The following BCAS3 variants were observed in gnomAD, a reference collection of about 807,000 sequenced individuals.
The protein encoded by BCAS3 is BCAS3 microtubule associated cell migration factor, also known as BCAS4/BCAS3 fusion.
BCAS3 carries 53 observed loss-of-function variants against 116.1 expected under a neutral mutation model. That is an observed-to-expected ratio of 0.46 (90% confidence interval 0.37 to 0.57). The LOEUF is 0.57. Among genes scored for constraint, BCAS3 ranks in the 20% least tolerant of loss-of-function variants. The pLI is 0.00. For missense variants in BCAS3, 917 were observed against 1,165.4 expected (o/e 0.79, Z 3.10); for synonymous variants, 391 against 408.2 (o/e 0.96, Z 0.51).
At chr17:61,317,826 G>A (rs573558797) in intron 22 of BCAS3, among the ~76,000 whole-genome samples, 12 of 152,302 alleles carry the variant, frequency 7.9e-5, no homozygotes, top group East Asian at 7.7e-4. Context: ...GCAGAGACAC[G>A]GTGTCAGAGC....
intron 7 of BCAS3, among the ~76,000 whole-genome samples, chr17:60,866,019 C>A (rs2054562199): frequency 6.6e-6 from 1 of 152,054 alleles, no homozygotes; most frequent in African/African-American, 2.4e-5. Context: ...GTAGTTTCCC[C>A]CCTTTTTTCT....
chr17:61,184,601 A>T (rs1290711638), intron 22 of BCAS3, among the ~76,000 whole-genome samples: 1 of 152,160 alleles, frequency 6.6e-6, no homozygotes, highest in Non-Finnish European at 1.5e-5. Context: ...TCATTCTATT[A>T]ATAGGAATTT....
At chr17:61,086,595 C>T (rs143336130) in intron 22 of BCAS3, 2 of 697,296 alleles carry the variant, frequency 2.9e-6, no homozygotes, top group East Asian at 2.7e-4. Context: ...ATCAGAGATA[C>T]ACTGTATGAG....
intron 3 of BCAS3, among the ~76,000 whole-genome samples, chr17:60,688,746 G>A (rs568396743): frequency 1.2e-4 from 18 of 151,630 alleles, no homozygotes; most frequent in African/African-American, 4.4e-4. Flanking sequence ...AACCCGGGAG[G>A]TGGAGGGTAC....
At chr17:60,781,415 G>C (rs576282808) in intron 6 of BCAS3, among the ~76,000 whole-genome samples, 2 of 151,794 alleles carry the variant, frequency 1.3e-5, no homozygotes, top group Non-Finnish European at 2.9e-5. Context: ...CCTGGCCAAC[G>C]TGGTGAAACT....
At chr17:61,014,632 A>G (rs1276511017) in intron 15 of BCAS3, among the ~76,000 whole-genome samples, 1 of 151,986 alleles carries the variant, frequency 6.6e-6, no homozygotes, top group Admixed American at 6.6e-5. Context: ...TGGAAGTTCT[A>G]GGTAGGTCAG....
intron 19 of BCAS3, among the ~76,000 whole-genome samples, chr17:61,074,011 A>C (rs2071692164): frequency 6.7e-6 from 1 of 149,636 alleles, no homozygotes; most frequent in Non-Finnish European, 1.5e-5. Flanking sequence ...TATTAGACTG[A>C]GGTGAGAAGA....
intron 7 of BCAS3, among the ~76,000 whole-genome samples, chr17:60,847,164 T>C (rs1339727481): frequency 1.3e-5 from 2 of 152,200 alleles, no homozygotes; most frequent in African/African-American, 2.4e-5. Context: ...CATCCCTTTT[T>C]ATGGCCGAAT....
chr17:61,054,518 C>T (rs945298878), intron 19 of BCAS3, among the ~76,000 whole-genome samples: 1 of 152,148 alleles, frequency 6.6e-6, no homozygotes, highest in African/African-American at 2.4e-5. Context: ...AGGTGTGCAC[C>T]ACCATGCCTG....
At position 61,327,835 on chromosome 17, in the gene BCAS3, G is replaced by T. The variant is rs2055866782; in HGVS notation, c.2426-40492G>T. On this transcript the variant is annotated intron_variant, in intron 22 of 23. Transcript: ENST00000407086. This position sits in a 1 kb window ranked among gnomAD's most constrained non-coding sequence, Gnocchi z 5.9. Reference sequence around the variant, plus strand: ...CAAGATCTGACTGAATAACACAAAGGTGACATCCAGTTCAAGGAACTTAGT... The same window carrying T: ...CAAGATCTGACTGAATAACACAAAGTTGACATCCAGTTCAAGGAACTTAGT... Among the ~76,000 whole-genome samples, 1 of 152,170 alleles carries T rather than the reference G, an allele frequency of 6.6e-6. No individual in the cohort carries two copies. The highest frequency in any genetic ancestry group is 2.1e-4 in the South Asian group (1 of 4,832).
intron 22 of BCAS3, among the ~76,000 whole-genome samples, chr17:61,091,574 T>C (rs1601160485): frequency 6.7e-6 from 1 of 150,372 alleles, no homozygotes; most frequent in South Asian, 2.2e-4. Context: ...AAAGAGCCCC[T>C]CTCCATTGAA....
chr17:60,809,917 A>C (rs1377754132), intron 7 of BCAS3, among the ~76,000 whole-genome samples: 1 of 152,242 alleles, frequency 6.6e-6, no homozygotes, highest in African/African-American at 2.4e-5. Flanking sequence ...TAATGCAAGA[A>C]TAAAAGAAAT....
At chr17:61,031,729 T>C (rs1335659212) in intron 16 of BCAS3, among the ~76,000 whole-genome samples, 1 of 152,136 alleles carries the variant, frequency 6.6e-6, no homozygotes, top group African/African-American at 2.4e-5. Context: ...TAGCAAGTTA[T>C]TTTCAGGGTG....
Position 61,279,206 on chromosome 17 carries a change from C to T in BCAS3, c.2426-89121C>T, listed in dbSNP as rs957184164. Among the ~76,000 whole-genome samples, 25 of 152,084 alleles carry T rather than the reference C, an allele frequency of 1.6e-4. No homozygotes were observed. The highest frequency in any genetic ancestry group is 6.0e-4 in the African/African-American group (25 of 41,422). ...AAGTGATCCGCCCACCTCGGCCTCC[C>T]AAAGTGTTGGGATTACAGGCATGAG... On this transcript the variant is annotated intron_variant, in intron 22 of 23. Coordinates refer to ENST00000407086, the MANE Select transcript of BCAS3 (RefSeq NM_017679.5). The surrounding 1 kb of genome is among the most constrained non-coding windows in gnomAD (Gnocchi z 4.4).
intron 6 of BCAS3, among the ~76,000 whole-genome samples, chr17:60,767,734 G>A (rs2044261265): frequency 6.6e-6 from 1 of 152,136 alleles, no homozygotes; most frequent in Admixed American, 6.5e-5. Flanking sequence ...CATGTGTCCA[G>A]TGTCTTTACA....
Position 61,078,315 on chromosome 17 carries a change from A to G in BCAS3, c.2131-18A>G, listed in dbSNP as rs900816731. ...AGGATCACAAACCATTTAAATCATCATTGCTACTCCATTCCAGGTTGAAAT... is the reference window on the plus strand; with the variant it reads ...AGGATCACAAACCATTTAAATCATCGTTGCTACTCCATTCCAGGTTGAAAT... On this transcript the variant is annotated intron_variant, in intron 20 of 23. Coordinates refer to ENST00000407086, the MANE Select transcript of BCAS3 (RefSeq NM_017679.5). 3 of 1,594,452 alleles carry G rather than the reference A, an allele frequency of 1.9e-6. No individual in the cohort carries two copies. The African/African-American group carries it at 4.0e-5, about 21-fold the overall frequency.
rs903135415 is a variant in BCAS3, at chr17:61,097,439, A to G, written c.2425+12875A>G. Among the ~76,000 whole-genome samples, 2 of 152,166 alleles carry G rather than the reference A, an allele frequency of 1.3e-5. No individual in the cohort carries two copies. The highest frequency in any genetic ancestry group is 3.9e-4 in the East Asian group (2 of 5,194). ...GTGATCCGCCTGCCTCGGCCTCCCA[A>G]AGTGCTGGGATTAGCCACTGTGACC... On this transcript the variant is annotated intron_variant, in intron 22 of 23. Coordinates refer to ENST00000407086, the MANE Select transcript of BCAS3 (RefSeq NM_017679.5). This position sits in a 1 kb window ranked among gnomAD's most constrained non-coding sequence, Gnocchi z 4.0.
At chr17:61,283,060 G>T (rs967901466) in intron 22 of BCAS3, among the ~76,000 whole-genome samples, 2 of 151,844 alleles carry the variant, frequency 1.3e-5, no homozygotes, top group African/African-American at 4.8e-5. Flanking sequence ...TCGTGATGTT[G>T]TAATACTAAA....
chr17:61,238,232 T>TA (rs2083218920), intron 22 of BCAS3, among the ~76,000 whole-genome samples: 1 of 150,874 alleles, frequency 6.6e-6, no homozygotes, highest in Admixed American at 6.6e-5. Flanking sequence ...TTCGGGTTTT[T>TA]TTTTTTTGAG....
Sources: gnomAD v4.1 joint callset for allele counts (sites outside exome capture counted in the v4.1 genomes callset) on GRCh38, gnomAD v4.1.1 for gene constraint, Gnocchi (gnomAD v3.1) non-coding constraint, MANE v1.5 for transcripts, NCBI Gene and HGNC (gene_info 2026-07-23, HGNC 2026-07-21) for gene names.